Variants in TTLL7 observed in about 807,000 individuals in gnomAD.
TTLL7 encodes the protein tubulin tyrosine ligase like 7.
Under a neutral mutation model 120.2 loss-of-function variants are expected in TTLL7, and 53 were observed. That is an observed-to-expected ratio of 0.44 (90% CI 0.35 to 0.55). The LOEUF is 0.55. TTLL7 is among the 20% of genes least tolerant of loss of function. TTLL7 has a pLI of 0.00. For synonymous variants in TTLL7, 353 were observed against 351.7 expected, an observed-to-expected ratio of 1.00 and a Z score of -0.04; for missense variants, 803 against 1,054.7, an observed-to-expected ratio of 0.76 and a Z score of 3.31.
chr1:83,900,137 T>C, intron 18 of TTLL7: 1 of 443,934 alleles, frequency 2.3e-6, no homozygotes, highest in Non-Finnish European at 4.5e-6. Context: ...TCACATCACA[T>C]GTAAAAAACA....
At chr1:83,998,717 C>T (rs997889985) in intron 1 of TTLL7, among the ~76,000 whole-genome samples, 1 of 152,038 alleles carries the variant, frequency 6.6e-6, no homozygotes, top group Non-Finnish European at 1.5e-5. Flanking sequence ...CCCTCTCCCT[C>T]CCCCATTCTG....
intron 19 of TTLL7, among the ~76,000 whole-genome samples, chr1:83,888,810 TAAG>T (rs1159180573): frequency 2.6e-5 from 4 of 151,842 alleles, no homozygotes; most frequent in African/African-American, 9.7e-5. Flanking sequence ...TATCTGTAGA[TAAG>T]AAGTTTAAAC....
At chr1:83,882,061 G>C (rs1248296838) in intron 20 of TTLL7, among the ~76,000 whole-genome samples, 2 of 131,890 alleles carry the variant, frequency 1.5e-5, no homozygotes, top group Non-Finnish European at 3.1e-5. Flanking sequence ...ACACAGGAAG[G>C]GGAACATCAC....
chr1:83,964,006 T>C (rs2100547717), intron 1 of TTLL7, among the ~76,000 whole-genome samples: 1 of 152,250 alleles, frequency 6.6e-6, no homozygotes, highest in African/African-American at 2.4e-5. Flanking sequence ...AACCAAAGAT[T>C]TTAAGGAGGG....
chr1:83,926,353 T>G (rs758981966), intron 10 of TTLL7, among the ~76,000 whole-genome samples: 2 of 152,138 alleles, frequency 1.3e-5, no homozygotes, highest in Non-Finnish European at 2.9e-5. Flanking sequence ...ATTGAGTATC[T>G]ATCGGACCAG....
chr1:83,878,375 C>A (rs904209223), intron 20 of TTLL7, among the ~76,000 whole-genome samples: 2 of 151,764 alleles, frequency 1.3e-5, no homozygotes, highest in South Asian at 2.1e-4. Context: ...ATTATTAAAT[C>A]TTCCTCTATG....
chr1:83,948,573 A>G (rs1424771493), intron 5 of TTLL7, 55 bp downstream of exon 5: 1 of 1,100,176 alleles, frequency 9.1e-7, no homozygotes, highest in Non-Finnish European at 1.4e-6. Flanking sequence ...GCACTACAGT[A>G]GTTATGGTAT....
chr1:83,916,599 C>G (rs1658208468), intron 14 of TTLL7, among the ~76,000 whole-genome samples: 1 of 151,806 alleles, frequency 6.6e-6, no homozygotes, highest in Non-Finnish European at 1.5e-5. Context: ...ATGTAACAAA[C>G]CTGCACGTTG....
intron 4 of TTLL7, chr1:83,949,314 TG>T (rs67045518): frequency 0.047 from 6,907 of 148,276 alleles, 173 homozygotes; most frequent in Middle Eastern, 0.09. Context: ...TTTTTTGTTT[TG>T]TTTTTTTTTT....
chr1:83,992,791 CTTTTTTTTTT>C (rs367737528), intron 1 of TTLL7, among the ~76,000 whole-genome samples: 1 of 101,546 alleles, frequency 9.8e-6, no homozygotes, highest in Admixed American at 1.2e-4. Context: ...TATTCAAGTT[CTTTTTTTTTT>C]TTTTTTTTTT....
At chr1:83,935,228 T>C (rs894954487) in intron 8 of TTLL7, among the ~76,000 whole-genome samples, 7 of 152,098 alleles carry the variant, frequency 4.6e-5, no homozygotes, top group African/African-American at 1.2e-4. Context: ...CTGAAACCAC[T>C]TGAGAGCAGA....
intron 7 of TTLL7, among the ~76,000 whole-genome samples, chr1:83,939,485 A>G (rs1223415471): frequency 6.6e-6 from 1 of 152,194 alleles, no homozygotes; most frequent in Non-Finnish European, 1.5e-5. Context: ...ACAACTTCAC[A>G]TTTACCTTGA....
chr1:83,870,034 G>C lies in TTLL7; in HGVS notation c.2592C>G (p.Tyr864Ter). The change falls in exon 21 of 21, where the codon TAC (tyrosine) becomes TAG (stop). Residue 864 changes from tyrosine to a stop codon, truncating the protein, a stop_gained. Coordinates refer to ENST00000260505, the MANE Select transcript of TTLL7 (RefSeq NM_024686.6). LOFTEE classifies it high-confidence loss of function. ...TTCCAGGTGAATTGTACTTCAAGTT[G>C]TAGGTTGGTGTTCTCAAGAAGAATT... is the stretch of plus-strand genomic sequence containing the variant. ...STQFFLRTPT[Y>*]NLKYNSPGMT... 4 of 1,586,386 alleles carry C rather than the reference G, an allele frequency of 2.5e-6. No homozygotes were observed. The highest frequency in any genetic ancestry group is 3.4e-6 in the Non-Finnish European group (4 of 1,170,170).
intron 20 of TTLL7, among the ~76,000 whole-genome samples, chr1:83,872,755 T>C (rs1653553343): frequency 6.6e-6 from 1 of 152,236 alleles, no homozygotes; most frequent in South Asian, 2.1e-4. Context: ...AACAAATATT[T>C]AAATAGTGTT....
intron 1 of TTLL7, among the ~76,000 whole-genome samples, chr1:83,972,215 A>C (rs1651057683): frequency 6.6e-6 from 1 of 152,046 alleles, no homozygotes. Context: ...CAATATCCAA[A>C]AGATTATCTT....
chr1:83,930,747 C>G (rs2100816950), intron 9 of TTLL7, among the ~76,000 whole-genome samples: 1 of 152,044 alleles, frequency 6.6e-6, no homozygotes, highest in East Asian at 1.9e-4. Context: ...TGTAGAATTC[C>G]TCAGAGTTTC....
intron 18 of TTLL7, among the ~76,000 whole-genome samples, chr1:83,901,688 G>C (rs1468053697): frequency 6.6e-6 from 1 of 151,900 alleles, no homozygotes; most frequent in Non-Finnish European, 1.5e-5. Flanking sequence ...CTCCTCAACA[G>C]TGTACTCTAC....
At chr1:83,974,759 T>G (rs944365471) in intron 1 of TTLL7, among the ~76,000 whole-genome samples, 1 of 152,080 alleles carries the variant, frequency 6.6e-6, no homozygotes, top group African/African-American at 2.4e-5. Context: ...CTTTGTCAAA[T>G]TGACCTATTT....
intron 20 of TTLL7, among the ~76,000 whole-genome samples, chr1:83,870,424 G>A (rs995403654): frequency 6.6e-6 from 1 of 152,154 alleles, no homozygotes; most frequent in Non-Finnish European, 1.5e-5. Flanking sequence ...CACGTGATTT[G>A]AGAATTTGAC....
Sources: allele counts gnomAD v4.1 joint callset (sites outside exome capture counted in the v4.1 genomes callset), GRCh38; gene constraint gnomAD v4.1.1; transcripts MANE v1.5; gene names NCBI Gene and HGNC (gene_info 2026-07-23, HGNC 2026-07-21).